Variants in F8 observed in about 807,000 individuals in gnomAD.
The protein encoded by F8 is coagulation factor VIII, also known as antihemophilic factor.
F8 carries 12 observed loss-of-function variants against 140.6 expected under a neutral mutation model. The observed-to-expected ratio is 0.09, with a 90% confidence interval of 0.05 to 0.14. The LOEUF (loss-of-function observed/expected upper bound fraction) is 0.14. F8 is among the 10% of genes least tolerant of loss of function. F8 has a pLI of 1.00. For synonymous variants in F8, 585 were observed against 614.6 expected (o/e 0.95, Z 0.71); for missense variants, 1,354 against 1,720.7 (o/e 0.79, Z 3.77).
At chrX:155,021,641 T>C (rs1366521110) in intron 1 of F8, among the ~76,000 whole-genome samples, 1 of 111,436 alleles carries the variant, frequency 9.0e-6, no homozygotes, top group Non-Finnish European at 1.9e-5. Context: ...CTGGAAATAT[T>C]ATTTTTAAAA....
Position 154,946,524 on chromosome X carries a change from C to T in F8, c.2113+1174G>A, listed in dbSNP as rs782569603. 3.6e-5 allele frequency among the ~76,000 whole-genome samples: 4 copies of T among 111,996 alleles called. No individual in the cohort carries two copies. In the East Asian group the frequency reaches 1.1e-3, roughly 31 times the overall value. On this transcript the variant is annotated intron_variant, in intron 13 of 25. Coordinates refer to ENST00000360256, the MANE Select transcript of F8 (RefSeq NM_000132.4). The stretch of plus-strand genomic sequence containing the variant: ...TGTGGGAAAACTGGATATCCACATG[C>T]AGAAGAATGAAACTATACCCCTATC...
At chrX:154,868,300 C>A (rs2072746953) in intron 22 of F8, among the ~76,000 whole-genome samples, 1 of 111,763 alleles carries the variant, frequency 8.9e-6, no homozygotes, top group African/African-American at 3.3e-5. Flanking sequence ...AAGTGTTTGA[C>A]AGTTCCTCCT....
chrX:155,015,666 G>GGGA (rs782445986), intron 1 of F8, among the ~76,000 whole-genome samples: 88 of 111,644 alleles, frequency 7.9e-4, no homozygotes, highest in African/African-American at 2.7e-3. Flanking sequence ...AGAGGAAAGA[G>GGGA]GGAGGAGGAA....
chrX:154,976,370 C>A (rs1198387760), intron 6 of F8, among the ~76,000 whole-genome samples: 3 of 110,392 alleles, frequency 2.7e-5, no homozygotes, highest in African/African-American at 9.9e-5. Context: ...GTAGTTAGAT[C>A]TTTTTTTAAA....
At chrX:154,948,265 A>C (rs1011208625) in intron 12 of F8, among the ~76,000 whole-genome samples, 9 of 111,780 alleles carry the variant, frequency 8.1e-5, no homozygotes, top group African/African-American at 2.9e-4. Flanking sequence ...AGGAAATGAA[A>C]GAAGCAGGAC....
At chrX:154,933,622 C>A (rs1033178923) in intron 13 of F8, among the ~76,000 whole-genome samples, 1 of 111,736 alleles carries the variant, frequency 8.9e-6, no homozygotes, top group Non-Finnish European at 1.9e-5. Flanking sequence ...TGTTTAAGGA[C>A]GAGAAAACAT....
At chrX:154,922,657 G>C (rs782342683) in intron 14 of F8, among the ~76,000 whole-genome samples, 2 of 112,248 alleles carry the variant, frequency 1.8e-5, no homozygotes, top group South Asian at 7.4e-4. Flanking sequence ...AAGAGAACTT[G>C]CATTAGAGTA....
chrX:154,954,606 A>G, intron 11 of F8, among the ~76,000 whole-genome samples: 1 of 112,446 alleles, frequency 8.9e-6, no homozygotes, highest in Non-Finnish European at 1.9e-5. Flanking sequence ...TCAGAAGAGC[A>G]TTTTGTATAT....
chrX:154,953,354 A>G (rs918129331), intron 12 of F8, among the ~76,000 whole-genome samples: 18 of 111,854 alleles, frequency 1.6e-4, no homozygotes, highest in Admixed American at 1.0e-3. Flanking sequence ...ATTAGGACAA[A>G]GATATATAAA....
chrX:154,952,204 C>T (rs1323040147), intron 12 of F8, among the ~76,000 whole-genome samples: 1 of 112,179 alleles, frequency 8.9e-6, no homozygotes, highest in Admixed American at 9.4e-5. Context: ...AAGCTCTGTG[C>T]CACTAGAATT....
At chrX:154,936,492 A>G (rs1216980358) in intron 13 of F8, among the ~76,000 whole-genome samples, 1 of 112,357 alleles carries the variant, frequency 8.9e-6, no homozygotes, top group African/African-American at 3.2e-5. Flanking sequence ...TACTTCAGAC[A>G]AAAAGGACAT....
chrX:154,911,723 C>T (rs1433916841), intron 14 of F8, among the ~76,000 whole-genome samples: 4 of 111,938 alleles, frequency 3.6e-5, no homozygotes, highest in African/African-American at 1.3e-4. Flanking sequence ...ATATATCCAG[C>T]AGTGGGATTG....
intron 25 of F8, among the ~76,000 whole-genome samples, chrX:154,837,976 A>G (rs1165694670): frequency 2.7e-5 from 3 of 111,658 alleles, no homozygotes; most frequent in Non-Finnish European, 3.8e-5. Flanking sequence ...GTTCTCACCC[A>G]CTTCCCAAAC....
chrX:154,954,503 A>C (rs1557281009), intron 11 of F8, among the ~76,000 whole-genome samples: 1 of 112,318 alleles, frequency 8.9e-6, no homozygotes. Context: ...AAAATAGAAA[A>C]ACAGAAATCA....
chrX:154,902,859 A>C (rs1454779413), intron 18 of F8, among the ~76,000 whole-genome samples: 1 of 112,118 alleles, frequency 8.9e-6, no homozygotes, highest in Non-Finnish European at 1.9e-5. Context: ...AGTTCAAAAC[A>C]GCAGCTATAA....
chrX:154,999,496 G>C lies in F8; in HGVS notation c.248C>G (p.Pro83Arg), dbSNP rs781974394. 7.5e-6 allele frequency: 9 copies of C among 1,207,706 alleles called. No individual in the cohort carries two copies. In the Admixed American group the frequency reaches 8.7e-5, roughly 12 times the overall value. Residue 83 changes from proline (P) to arginine (R), a missense_variant, in exon 2 of 26, where the codon CCA (proline) becomes CGA (arginine). Pro to Arg is a moderately radical substitution (Grantham distance 103, BLOSUM62 -2). Around this residue, in one of 4 missense-constraint regions of F8, gnomAD observed 128 missense variants for 230.4 expected, o/e 0.56. Coordinates refer to ENST00000360256, the MANE Select transcript of F8 (RefSeq NM_000132.4). ...FTDHLFNIAK[P>R]RPPWMGLLGP... ...TTCATTACCCATCCAGGGTGGCCTT[G>C]GCTTAGCGATGTTGAAAAGGTGATC...
intron 25 of F8, among the ~76,000 whole-genome samples, chrX:154,843,031 G>A (rs1040810187): frequency 1.8e-5 from 2 of 111,563 alleles, no homozygotes; most frequent in Admixed American, 1.9e-4. Flanking sequence ...CCACCTACGA[G>A]TGAGAACATG....
intron 1 of F8, among the ~76,000 whole-genome samples, chrX:155,016,398 T>C (rs1348731485): frequency 8.9e-6 from 1 of 111,919 alleles, no homozygotes; most frequent in Non-Finnish European, 1.9e-5. Flanking sequence ...AAACATGCAC[T>C]TACCATATGA....
intron 1 of F8, among the ~76,000 whole-genome samples, chrX:155,016,145 G>A (rs1157538522): frequency 9.0e-6 from 1 of 110,506 alleles, no homozygotes; most frequent in Non-Finnish European, 1.9e-5. Context: ...GCTGAGGCAT[G>A]AGAATTGCTT....
Sources: gnomAD v4.1 joint callset for allele counts (sites outside exome capture counted in the v4.1 genomes callset) on GRCh38, gnomAD v4.1.1 for gene constraint, gnomAD v4.1.1 regional missense constraint, MANE v1.5 for transcripts, NCBI Gene and HGNC (gene_info 2026-07-23, HGNC 2026-07-21) for gene names.